Variants in APBB2 observed in about 807,000 individuals in gnomAD.
The protein encoded by APBB2 is Fe65-like 1.
APBB2 carries 38 observed loss-of-function variants against 82.5 expected under a neutral mutation model. The observed-to-expected ratio is 0.46, with a 90% confidence interval of 0.36 to 0.60. The LOEUF is 0.60. Among genes scored for constraint, APBB2 ranks in the 20% least tolerant of loss-of-function variants. The pLI is 0.00. For synonymous variants in APBB2, 341 were observed against 368.2 expected, an observed-to-expected ratio of 0.93 and a Z score of 0.85; for missense variants, 772 against 972.3, an observed-to-expected ratio of 0.79 and a Z score of 2.74.
At chr4:41,129,215 CA>C (rs932242847) in intron 2 of APBB2, among the ~76,000 whole-genome samples, 14 of 152,184 alleles carry the variant, frequency 9.2e-5, no homozygotes, top group African/African-American at 3.4e-4. Flanking sequence ...CTGTTCTTGA[CA>C]CACAACAGGA....
At chr4:41,094,036 G>A (rs760816178) in intron 3 of APBB2, among the ~76,000 whole-genome samples, 2 of 151,770 alleles carry the variant, frequency 1.3e-5, no homozygotes, top group African/African-American at 4.8e-5. Context: ...ATGTTAATTC[G>A]CTTAATTTAG....
intron 12 of APBB2, among the ~76,000 whole-genome samples, chr4:40,868,342 C>A (rs753121365): frequency 8.5e-5 from 13 of 152,308 alleles, no homozygotes; most frequent in South Asian, 2.1e-4. Context: ...AGCATCACTG[C>A]TTTACTGGAC....
chr4:41,168,129 C>T (rs1284553670), intron 1 of APBB2, among the ~76,000 whole-genome samples: 2 of 151,804 alleles, frequency 1.3e-5, no homozygotes, highest in Non-Finnish European at 2.9e-5. Context: ...ATTGGCCGGG[C>T]GTGGTGGCAG....
At chr4:41,006,464 T>G (rs1027280150) in intron 6 of APBB2, among the ~76,000 whole-genome samples, 2 of 152,154 alleles carry the variant, frequency 1.3e-5, no homozygotes, top group African/African-American at 2.4e-5. Context: ...ATTTATTTTT[T>G]ATTTTTTTAT....
intron 10 of APBB2, among the ~76,000 whole-genome samples, chr4:40,905,631 C>T (rs1007721271): frequency 3.3e-4 from 50 of 152,218 alleles, no homozygotes; most frequent in Admixed American, 2.0e-4. Context: ...TGCCACGAAG[C>T]AACCTTGAGA....
At chr4:40,911,961 G>A (rs559934681) in intron 10 of APBB2, among the ~76,000 whole-genome samples, 45 of 152,280 alleles carry the variant, frequency 3.0e-4, no homozygotes, top group African/African-American at 9.1e-4. Flanking sequence ...TCATTAAATC[G>A]GACCGGCTAG....
intron 6 of APBB2, among the ~76,000 whole-genome samples, chr4:40,972,229 C>G (rs985637626): frequency 6.6e-6 from 1 of 151,886 alleles, no homozygotes; most frequent in East Asian, 1.9e-4. Flanking sequence ...GAGATGGAGA[C>G]CATCCTGGCT....
At chr4:41,102,613 C>G (rs139074998) in intron 2 of APBB2, among the ~76,000 whole-genome samples, 1 of 152,314 alleles carries the variant, frequency 6.6e-6, no homozygotes, top group East Asian at 1.9e-4. Flanking sequence ...ACAGTCCATG[C>G]CTCAAACATC....
intron 6 of APBB2, among the ~76,000 whole-genome samples, chr4:40,950,611 G>T (rs1789849159): frequency 2.0e-5 from 3 of 152,108 alleles, no homozygotes. Context: ...ACGTTGGGAG[G>T]CTGAGGTGGA....
chr4:41,065,446 A>C (rs1364043122), intron 4 of APBB2, 130 bp downstream of exon 4: 4 of 152,230 alleles, frequency 2.6e-5, no homozygotes, highest in African/African-American at 9.6e-5. Flanking sequence ...CCCTAGAGCA[A>C]TCCATTCTCT....
chr4:41,202,574 C>A (rs1210861838), intron 1 of APBB2, among the ~76,000 whole-genome samples: 3 of 152,142 alleles, frequency 2.0e-5, no homozygotes, highest in African/African-American at 7.2e-5. Flanking sequence ...TGTTTCTATT[C>A]ATTCTCTTAT....
chr4:41,183,006 T>C (rs1399038269), intron 1 of APBB2, among the ~76,000 whole-genome samples: 1 of 152,200 alleles, frequency 6.6e-6, no homozygotes, highest in Non-Finnish European at 1.5e-5. Context: ...CTCCTAATGG[T>C]ACCTCCAAAC....
At chr4:40,998,198 G>A (rs927307670) in intron 6 of APBB2, among the ~76,000 whole-genome samples, 5 of 152,196 alleles carry the variant, frequency 3.3e-5, no homozygotes, top group Non-Finnish European at 1.5e-5. Flanking sequence ...CCCAATAATG[G>A]AAGACTTTTC....
chr4:40,848,107 T>C (rs2154321051), intron 12 of APBB2, among the ~76,000 whole-genome samples: 1 of 152,320 alleles, frequency 6.6e-6, no homozygotes, highest in South Asian at 2.1e-4. Context: ...CTATGCCCAG[T>C]CCTGAATTTT....
intron 1 of APBB2, among the ~76,000 whole-genome samples, chr4:41,196,028 C>CG: frequency 0.2 from 30,437 of 151,710 alleles, 4,162 homozygotes; most frequent in African/African-American, 0.39. Flanking sequence ...GGTGTGGTGG[C>CG]GGCGCCTGTA....
At chr4:40,834,952 G>GT (rs1753362805) in intron 12 of APBB2, among the ~76,000 whole-genome samples, 1 of 152,198 alleles carries the variant, frequency 6.6e-6, no homozygotes. Flanking sequence ...ATTTTATGGT[G>GT]TGGTATTAAA....
intron 12 of APBB2, among the ~76,000 whole-genome samples, chr4:40,867,122 T>G (rs532575380): frequency 6.6e-6 from 1 of 152,306 alleles, no homozygotes; most frequent in East Asian, 1.9e-4. Flanking sequence ...AAATAAAAGC[T>G]TTATTGGAAC....
At position 41,055,150 on chromosome 4, in the gene APBB2, C is replaced by A. The variant is rs1395968686; in HGVS notation, c.-51+10426G>T. On this transcript the variant is annotated intron_variant, in intron 4 of 17. Transcript: ENST00000508593. ...CCCTTGGTCTGTAATGGGCTTTTCC[C>A]AGCTCTTCATAGACTGGGCTTTCCC... Among the ~76,000 whole-genome samples the A allele has an allele frequency of 2.6e-5, 4 of 152,220 alleles. 1 individual carries two copies. The highest frequency in any genetic ancestry group is 2.6e-4 in the Admixed American group (4 of 15,282).
chr4:41,119,853 C>T (rs1752271051), intron 2 of APBB2, among the ~76,000 whole-genome samples: 1 of 152,138 alleles, frequency 6.6e-6, no homozygotes, highest in African/African-American at 2.4e-5. Context: ...TTTTTTAGAT[C>T]AAACTCCTGG....
Sources: gnomAD v4.1 joint callset for allele counts (sites outside exome capture counted in the v4.1 genomes callset) on GRCh38, gnomAD v4.1.1 for gene constraint, MANE v1.5 for transcripts, NCBI Gene and HGNC (gene_info 2026-07-23, HGNC 2026-07-21) for gene names.